The following SFRP1 variants were observed in gnomAD, a reference collection of about 807,000 sequenced individuals.
SFRP1 encodes the protein secreted frizzled-related protein 1.
Under a neutral mutation model 25.9 loss-of-function variants are expected in SFRP1, and 9 were observed. The ratio of observed to expected loss-of-function variants is 0.35; its 90% CI spans 0.21 to 0.61. SFRP1 has a LOEUF of 0.61. Among genes scored for constraint, SFRP1 ranks in the 20% least tolerant of loss-of-function variants. The pLI is 0.78. For synonymous variants in SFRP1, 178 were observed against 174.0 expected (o/e 1.02, Z -0.18); for missense variants, 346 against 418.2 (o/e 0.83, Z 1.51).
intron 2 of SFRP1, among the ~76,000 whole-genome samples, chr8:41,301,158 G>A (rs972353102): frequency 3.9e-5 from 6 of 152,178 alleles, no homozygotes; most frequent in African/African-American, 9.6e-5. Flanking sequence ...CCTTGTTCCC[G>A]GAGCTCACAG....
At chr8:41,297,096 G>A (rs375189781) in intron 2 of SFRP1, among the ~76,000 whole-genome samples, 6 of 152,322 alleles carry the variant, frequency 3.9e-5, no homozygotes, top group Non-Finnish European at 8.8e-5. Flanking sequence ...CCAGGCTGGA[G>A]TGCAGCAGCG....
chr8:41,301,006 T>G (rs906770163), intron 2 of SFRP1, among the ~76,000 whole-genome samples: 1 of 152,180 alleles, frequency 6.6e-6, no homozygotes, highest in African/African-American at 2.4e-5. Context: ...CATGAGTGAC[T>G]AAGCAGATCT....
chr8:41,286,370 C>G (rs146831520), intron 2 of SFRP1, among the ~76,000 whole-genome samples: 2 of 152,208 alleles, frequency 1.3e-5, no homozygotes, highest in Admixed American at 6.5e-5. Flanking sequence ...CCGCCTCCCC[C>G]GCCGCACAAA....
intron 2 of SFRP1, among the ~76,000 whole-genome samples, chr8:41,284,967 C>T (rs529226382): frequency 2.3e-4 from 35 of 152,344 alleles, no homozygotes; most frequent in Middle Eastern, 3.4e-3. Flanking sequence ...CACAGATGCA[C>T]CGCAAGAGTA....
chr8:41,294,346 A>G (rs1311316179), intron 2 of SFRP1, among the ~76,000 whole-genome samples: 1 of 152,176 alleles, frequency 6.6e-6, no homozygotes, highest in African/African-American at 2.4e-5. Context: ...CCGACGTGGA[A>G]AATTTTCAAA....
rs375120560 is a variant in SFRP1, at chr8:41,290,643, T to C, written c.622+12818A>G. On this transcript the variant is annotated intron_variant, in intron 2 of 2. Coordinates refer to ENST00000220772, the MANE Select transcript of SFRP1 (RefSeq NM_003012.5). ...TCCCTGACGGCCAGGACAGCTGTGCTGACCTCATCAGCCACCTCCCGAGGG... is the reference window on the plus strand; with the variant it reads ...TCCCTGACGGCCAGGACAGCTGTGCCGACCTCATCAGCCACCTCCCGAGGG... Among the ~76,000 whole-genome samples the C allele has an allele frequency of 7.2e-5, 11 of 152,254 alleles. 1 individual carries two copies. The highest frequency in any genetic ancestry group is 2.4e-4 in the African/African-American group (10 of 41,564).
At chr8:41,280,603 G>A (rs1441202235) in intron 2 of SFRP1, among the ~76,000 whole-genome samples, 1 of 152,160 alleles carries the variant, frequency 6.6e-6, no homozygotes, top group Non-Finnish European at 1.5e-5. Context: ...GGGAGCAAGC[G>A]GCAATAAAAA....
rs376637827 is a variant in SFRP1, at chr8:41,299,567, A to G, written c.622+3894T>C. On this transcript the variant is annotated intron_variant, in intron 2 of 2. Coordinates refer to ENST00000220772, the MANE Select transcript of SFRP1 (RefSeq NM_003012.5). ...TGCAATCCCAGCATTTTGGGAGGCC[A>G]AGGTAGGGGGATCGCTTGAGCCCGG... 8.2e-5 allele frequency among the ~76,000 whole-genome samples: 2 copies of G among 24,396 alleles called. 1 individual carries two copies. Among genetic ancestry groups the G allele is most frequent in the Non-Finnish European group, 1.6e-4 (2 of 12,320 alleles). 16.0% of individuals were successfully genotyped at this position (24,396 alleles called of 152,430 possible). A position where few individuals can be genotyped will look rare whatever the true frequency, so the allele number is the denominator to read the frequency against.
rs993350469 is a variant in SFRP1, at chr8:41,263,677, G to A, written c.*1490C>T. On this transcript the variant is annotated 3_prime_UTR_variant, in exon 3 of 3. Transcript: ENST00000220772. ...TTTTTAGAACTACTTCCTGTACATTGGACAAGAAGGGTAAAGTTGTCTAAG... is the reference window on the plus strand; with the variant it reads ...TTTTTAGAACTACTTCCTGTACATTAGACAAGAAGGGTAAAGTTGTCTAAG... The A allele has an allele frequency of 6.6e-6, 1 of 152,182 alleles. No individual in the cohort carries two copies. The highest frequency in any genetic ancestry group is 2.4e-5 in the African/African-American group (1 of 41,432). The allele number at this position is 152,182 out of a possible 1,614,324, so 9.4% of individuals were successfully genotyped here.
At chr8:41,291,244 T>C (rs1344744154) in intron 2 of SFRP1, among the ~76,000 whole-genome samples, 1 of 151,966 alleles carries the variant, frequency 6.6e-6, no homozygotes, top group Non-Finnish European at 1.5e-5. Flanking sequence ...AAGACAGTCA[T>C]GTTTTAAAAT....
chr8:41,289,066 G>C (rs769240250), intron 2 of SFRP1, among the ~76,000 whole-genome samples: 4 of 152,158 alleles, frequency 2.6e-5, no homozygotes, highest in African/African-American at 7.2e-5. Context: ...CAATGAATGC[G>C]TCCAACTCAG....
At chr8:41,280,702 G>C (rs1030504664) in intron 2 of SFRP1, among the ~76,000 whole-genome samples, 3 of 152,226 alleles carry the variant, frequency 2.0e-5, no homozygotes, top group Admixed American at 6.5e-5. Flanking sequence ...CCCTGTGGCT[G>C]CAGGAGCTGC....
chr8:41,306,080 A>T (rs1803992033), intron 1 of SFRP1, among the ~76,000 whole-genome samples: 1 of 138,020 alleles, frequency 7.2e-6, no homozygotes, highest in East Asian at 1.9e-4. Context: ...TTCTAATGGA[A>T]GTGCCAAATT....
rs368388857 is a variant in SFRP1, at chr8:41,267,232, GCTTT to G, written c.623-1747_623-1744del. On this transcript the variant is annotated intron_variant, in intron 2 of 2. Transcript: ENST00000220772. ...GAAAATCAGCCCATTCACCAACTCT[GCTTT>G]CTCTTTTCTCTGTCCCAATGGACAC... is the stretch of plus-strand genomic sequence containing the variant. 3.2e-4 allele frequency among the ~76,000 whole-genome samples: 48 copies of G among 152,292 alleles called. No individual in the cohort carries two copies. In the East Asian group the frequency reaches 8.7e-3, roughly 28 times the overall value.
chr8:41,278,337 C>A (rs1014259389), intron 2 of SFRP1, among the ~76,000 whole-genome samples: 6 of 152,194 alleles, frequency 3.9e-5, no homozygotes, highest in African/African-American at 1.4e-4. Flanking sequence ...CCCAGCTGAC[C>A]AATCCCACCA....
In SFRP1 at chr8:41,297,201, G is replaced by A. The variant is rs151160991; in HGVS notation, c.622+6260C>T. 3.5e-3 allele frequency among the ~76,000 whole-genome samples: 529 copies of A among 152,168 alleles called. 3 individuals are homozygous for A. The highest frequency in any genetic ancestry group is 0.012 in the African/African-American group (512 of 41,496). ...TGGGATTACAAGCGCCTGCCACCAT[G>A]CCCAGCTAATTTTTGTATTTTTAGT... On this transcript the variant is annotated intron_variant, in intron 2 of 2. Coordinates refer to ENST00000220772, the MANE Select transcript of SFRP1 (RefSeq NM_003012.5).
In SFRP1 at chr8:41,265,088, AC is replaced by A; in HGVS notation, c.*78del. The stretch of plus-strand genomic sequence containing the variant: ...CTGACAGGCGCAGTGCGTGTGTGTG[AC>A]CCACCGGGTTCCCGGGGCACTGTCC... On this transcript the variant is annotated 3_prime_UTR_variant, in exon 3 of 3. Transcript: ENST00000220772. 1 of 1,030,338 alleles carries A rather than the reference AC, an allele frequency of 9.7e-7. No individual in the cohort carries two copies. Among genetic ancestry groups the A allele is most frequent in the East Asian group, 2.6e-5 (1 of 38,338 alleles). The allele number at this position is 1,030,338 out of a possible 1,614,324, so 63.8% of individuals were successfully genotyped here.
intron 2 of SFRP1, among the ~76,000 whole-genome samples, chr8:41,281,186 G>A (rs1481198437): frequency 2.0e-5 from 3 of 152,196 alleles, no homozygotes; most frequent in Non-Finnish European, 2.9e-5. Flanking sequence ...CAGGGAGGGA[G>A]TGGGAGTCCT....
intron 2 of SFRP1, among the ~76,000 whole-genome samples, chr8:41,295,218 A>G (rs555487471): frequency 1.0e-3 from 155 of 152,192 alleles, no homozygotes; most frequent in Non-Finnish European, 2.0e-3. Flanking sequence ...AAAATTAGCC[A>G]GGCATGGTGG....
Sources: allele counts gnomAD v4.1 joint callset (sites outside exome capture counted in the v4.1 genomes callset), GRCh38; gene constraint gnomAD v4.1.1; transcripts MANE v1.5; gene names NCBI Gene and HGNC (gene_info 2026-07-23, HGNC 2026-07-21).